GARRE1: variants seen among roughly 807,000 people sequenced by gnomAD.
The protein encoded by GARRE1 is granule associated Rac and RHOG effector protein 1.
GARRE1 carries 49 observed loss-of-function variants against 103.2 expected under a neutral mutation model. The ratio of observed to expected loss-of-function variants is 0.47; its 90% CI spans 0.38 to 0.60. The LOEUF (loss-of-function observed/expected upper bound fraction) is 0.60. GARRE1 is among the 20% of genes least tolerant of loss of function. The pLI, the probability that GARRE1 is intolerant of heterozygous loss-of-function variation, is 0.00. For synonymous variants in GARRE1, 505 were observed against 532.8 expected (o/e 0.95, Z 0.72); for missense variants, 1,199 against 1,370.5 (o/e 0.87, Z 1.98).
At chr19:34,329,029 G>A (rs903308581) in intron 6 of GARRE1, among the ~76,000 whole-genome samples, 2 of 152,196 alleles carry the variant, frequency 1.3e-5, no homozygotes, top group Non-Finnish European at 2.9e-5. Context: ...TAAGAAGAGA[G>A]ATGTTGTTAT....
chr19:34,273,929 A>G (rs1242444883), intron 1 of GARRE1, among the ~76,000 whole-genome samples: 1 of 152,072 alleles, frequency 6.6e-6, no homozygotes, highest in Non-Finnish European at 1.5e-5. Context: ...GCCATAGTGG[A>G]TTTTAAGCGC....
rs1365033602 is a variant in GARRE1 at position 34,327,447 on chromosome 19, C to A, written c.732C>A (p.Gly244=). 6.2e-7 allele frequency: 1 copy of A among 1,614,022 alleles called. No homozygotes were observed. Among genetic ancestry groups the A allele is most frequent in the Admixed American group, 1.7e-5 (1 of 60,026 alleles). Reference sequence around the variant, plus strand: ...CGACATCTAGACTAAGAGAAAGAGGCTGTGATGGTTGCCTGGCAGGAATTG... The same window carrying A: ...CGACATCTAGACTAAGAGAAAGAGGATGTGATGGTTGCCTGGCAGGAATTG... ...AEATSRLRER[G]CDGCLAGIEV... Residue 244 remains glycine, a synonymous_variant, in exon 4 of 14, where the codon GGC becomes GGA. Coordinates refer to ENST00000299505, the MANE Select transcript of GARRE1 (RefSeq NM_014686.5).
Position 34,352,169 on chromosome 19 carries a change from G to A in GARRE1, c.2905-478G>A, listed in dbSNP as rs141358954. Among the ~76,000 whole-genome samples, 246 of 152,256 alleles carry A rather than the reference G, an allele frequency of 1.6e-3. 2 individuals carry two copies. Among genetic ancestry groups the A allele is most frequent in the African/African-American group, 4.1e-3 (169 of 41,536 alleles). On this transcript the variant is annotated intron_variant, in intron 13 of 13. Coordinates refer to ENST00000299505, the MANE Select transcript of GARRE1 (RefSeq NM_014686.5). ...AATCCCAGCACTTTGGGAGGCCAAG[G>A]CGGGTGGATCACGAACGAGGTCAGG...
At chr19:34,268,012 T>A (rs994291024) in intron 1 of GARRE1, among the ~76,000 whole-genome samples, 6 of 151,994 alleles carry the variant, frequency 3.9e-5, no homozygotes, top group African/African-American at 7.2e-5. Flanking sequence ...GACCTCGTGA[T>A]CCACCCGCCT....
intron 1 of GARRE1, among the ~76,000 whole-genome samples, chr19:34,267,662 A>C (rs2073760594): frequency 1.3e-5 from 2 of 152,038 alleles, no homozygotes; most frequent in African/African-American, 2.4e-5. Context: ...GGGCTTTTGC[A>C]CATTGTACCA....
chr19:34,271,225 G>A (rs1343410872), intron 1 of GARRE1, among the ~76,000 whole-genome samples: 1 of 149,238 alleles, frequency 6.7e-6, no homozygotes, highest in Non-Finnish European at 1.5e-5. Flanking sequence ...TAGTGTTCAG[G>A]TATACCTTCT....
chr19:34,345,055 G>C (rs2074204950), intron 10 of GARRE1, among the ~76,000 whole-genome samples: 1 of 152,160 alleles, frequency 6.6e-6, no homozygotes. Context: ...AGGCAGGATG[G>C]TCTCTATCTC....
chr19:34,293,737 C>CACACACACACACAT (rs2073931045), intron 1 of GARRE1, among the ~76,000 whole-genome samples: 2 of 135,162 alleles, frequency 1.5e-5, no homozygotes, highest in African/African-American at 5.9e-5. Flanking sequence ...CACACACACA[C>CACACACACACACAT]ACACACATAT....
intron 8 of GARRE1, among the ~76,000 whole-genome samples, chr19:34,338,247 G>T (rs1035055745): frequency 1.3e-5 from 2 of 152,082 alleles, no homozygotes; most frequent in Non-Finnish European, 2.9e-5. Context: ...CTCAGAAAAG[G>T]GCTCTTGGCC....
intron 2 of GARRE1, among the ~76,000 whole-genome samples, chr19:34,319,185 A>T (rs972588825): frequency 2.0e-5 from 3 of 152,184 alleles, no homozygotes; most frequent in African/African-American, 7.2e-5. Flanking sequence ...CACATAGTAT[A>T]TATTTAGTAT....
At chr19:34,331,563 GA>G (rs952912777) in intron 7 of GARRE1, among the ~76,000 whole-genome samples, 10 of 149,038 alleles carry the variant, frequency 6.7e-5, no homozygotes, top group African/African-American at 2.0e-4. Context: ...ATCTTTCAGA[GA>G]AAAAAAAAAC....
At chr19:34,323,393 CAT>C (rs1051115076) in intron 3 of GARRE1, among the ~76,000 whole-genome samples, 44 of 152,268 alleles carry the variant, frequency 2.9e-4, no homozygotes, top group African/African-American at 9.1e-4. Context: ...TGATTTTTCA[CAT>C]GTTAATATTG....
chr19:34,319,053 T>C (rs1430319557), intron 2 of GARRE1, among the ~76,000 whole-genome samples: 1 of 152,058 alleles, frequency 6.6e-6, no homozygotes, highest in African/African-American at 2.4e-5. Context: ...GAGAACACAT[T>C]GTAACTGTGG....
At chr19:34,280,362 T>A (rs1162881688) in intron 1 of GARRE1, among the ~76,000 whole-genome samples, 1 of 152,244 alleles carries the variant, frequency 6.6e-6, no homozygotes, top group African/African-American at 2.4e-5. Context: ...TATTAGCTGT[T>A]CGCATATTTC....
At chr19:34,286,562 G>C (rs1009817867) in intron 1 of GARRE1, among the ~76,000 whole-genome samples, 2 of 147,054 alleles carry the variant, frequency 1.4e-5, no homozygotes, top group Non-Finnish European at 3.0e-5. Flanking sequence ...ACGGAGTCTG[G>C]CTCTGTCGCC....
In GARRE1 at chr19:34,276,484, T is replaced by C. The variant is rs554248024; in HGVS notation, c.-796+21870T>C. On this transcript the variant is annotated intron_variant, in intron 1 of 13. Transcript: ENST00000299505. ...GTATGTGTGTTTATGTACATATGTG[T>C]ATATGTACAGTGGAAGATGCCATAA... 1.3e-4 allele frequency among the ~76,000 whole-genome samples: 20 copies of C among 152,146 alleles called. No individual in the cohort carries two copies. The Middle Eastern group carries it at 0.01, about 78-fold the overall frequency.
rs1314445078 is a variant in GARRE1 at position 34,321,095 on chromosome 19, C to T, written c.705+979C>T. On this transcript the variant is annotated intron_variant, in intron 3 of 13. Coordinates refer to ENST00000299505, the MANE Select transcript of GARRE1 (RefSeq NM_014686.5). ...TTTTTGAGACGGAGTCTCGCTCTGT[C>T]CCCCAAGCTGGAGTGCAGTGGCGTG... Among the ~76,000 whole-genome samples, 12 of 131,482 alleles carry T rather than the reference C, an allele frequency of 9.1e-5. No individual in the cohort carries two copies. The South Asian group carries it at 3.0e-3, about 33-fold the overall frequency. The allele number at this position is 131,482 out of a possible 152,430, so 86.3% of individuals were successfully genotyped here.
intron 1 of GARRE1, among the ~76,000 whole-genome samples, chr19:34,292,438 G>A (rs887543415): frequency 4.6e-5 from 7 of 152,150 alleles, no homozygotes; most frequent in Non-Finnish European, 8.8e-5. Flanking sequence ...ATGAACATTT[G>A]TGTGCAGGTT....
Position 34,352,926 on chromosome 19 carries a change from C to A in GARRE1, c.3184C>A (p.Arg1062Ser). 1.9e-6 allele frequency: 3 copies of A among 1,558,622 alleles called. No individual in the cohort carries two copies. Among genetic ancestry groups the A allele is most frequent in the Non-Finnish European group, 2.6e-6 (3 of 1,151,488 alleles). ...CAAGGCCTTCCCTGGGAAGGGTGAG[C>A]GCAGGCCAGCCTATCTGCCCCAGTA... ...GFKAFPGKGE[R>S]RPAYLPQY The change falls in exon 14 of 14, where the codon CGC becomes AGC. Residue 1062 changes from arginine (R) to serine (S), a missense_variant. Transcript: ENST00000299505.
Sources: allele counts gnomAD v4.1 joint callset (sites outside exome capture counted in the v4.1 genomes callset), GRCh38; gene constraint gnomAD v4.1.1; transcripts MANE v1.5; gene names NCBI Gene and HGNC (gene_info 2026-07-23, HGNC 2026-07-21).